Variants in TBC1D5 observed in about 807,000 individuals in gnomAD.
TBC1D5 encodes TBC1 domain family member 5.
In TBC1D5, 75 loss-of-function variants were observed where a neutral mutation model predicts 100.3. That is an observed-to-expected ratio of 0.75 (90% confidence interval 0.62 to 0.91). TBC1D5 has a LOEUF of 0.91. Among genes scored for constraint, TBC1D5 ranks in the 40% least tolerant of loss-of-function variants. The pLI, the probability that TBC1D5 is intolerant of heterozygous loss-of-function variation, is 0.00. For missense variants in TBC1D5, 910 were observed against 942.4 expected (o/e 0.97, Z 0.45); for synonymous variants, 323 against 325.6 (o/e 0.99, Z 0.09).
At chr3:17,407,022 T>C (rs1053953044) in intron 4 of TBC1D5, among the ~76,000 whole-genome samples, 2 of 152,120 alleles carry the variant, frequency 1.3e-5, no homozygotes, top group African/African-American at 4.8e-5. Context: ...TGCTTACTAC[T>C]GAAATTGCAA....
intron 1 of TBC1D5, among the ~76,000 whole-genome samples, chr3:17,736,163 A>C (rs1414219621): frequency 6.6e-6 from 1 of 152,232 alleles, no homozygotes; most frequent in African/African-American, 2.4e-5. Flanking sequence ...AGCTAGGCTT[A>C]AGAATTCTTA....
intron 13 of TBC1D5, among the ~76,000 whole-genome samples, chr3:17,367,003 C>G (rs1005645765): frequency 2.0e-5 from 3 of 152,014 alleles, no homozygotes; most frequent in Non-Finnish European, 4.4e-5. Context: ...TTGTAAAGAG[C>G]TCATAATTTA....
At chr3:17,417,260 A>C (rs970805974) in intron 4 of TBC1D5, among the ~76,000 whole-genome samples, 1 of 151,946 alleles carries the variant, frequency 6.6e-6, no homozygotes, top group South Asian at 2.1e-4. Context: ...TTACATATAT[A>C]TACATGTGCC....
intron 15 of TBC1D5, among the ~76,000 whole-genome samples, chr3:17,263,577 A>G (rs967209288): frequency 6.6e-6 from 1 of 152,112 alleles, no homozygotes; most frequent in East Asian, 1.9e-4. Flanking sequence ...ATGTTGTTGA[A>G]ACTCTATTTA....
chr3:17,438,648 T>C (rs562641731), intron 3 of TBC1D5, among the ~76,000 whole-genome samples: 7 of 152,232 alleles, frequency 4.6e-5, no homozygotes, highest in Non-Finnish European at 1.0e-4. Context: ...CTTTACAAAT[T>C]ACCAGTCTTG....
chr3:17,274,430 T>C (rs2149750274), intron 15 of TBC1D5, among the ~76,000 whole-genome samples: 1 of 152,310 alleles, frequency 6.6e-6, no homozygotes, highest in South Asian at 2.1e-4. Flanking sequence ...TTAAGCAAAT[T>C]AAGTAGATGA....
chr3:17,612,565 G>A (rs1307687279), intron 2 of TBC1D5, among the ~76,000 whole-genome samples: 1 of 152,010 alleles, frequency 6.6e-6, no homozygotes, highest in Non-Finnish European at 1.5e-5. Flanking sequence ...GGGAGGCAGA[G>A]GTAGCAGTGA....
intron 2 of TBC1D5, among the ~76,000 whole-genome samples, chr3:17,587,622 G>A (rs932467868): frequency 6.6e-5 from 10 of 151,666 alleles, no homozygotes; most frequent in African/African-American, 1.9e-4. Flanking sequence ...TTTGTATGTC[G>A]GTTTGGTGAA....
chr3:17,730,093 A>G (rs935959262), intron 1 of TBC1D5, among the ~76,000 whole-genome samples: 4 of 152,206 alleles, frequency 2.6e-5, no homozygotes, highest in African/African-American at 9.6e-5. Flanking sequence ...CCTAGGGGAC[A>G]AGAGTGAAAC....
intron 2 of TBC1D5, among the ~76,000 whole-genome samples, chr3:17,530,388 G>A (rs961316358): frequency 6.6e-5 from 10 of 152,092 alleles, no homozygotes; most frequent in Non-Finnish European, 1.2e-4. Flanking sequence ...CAAAAAGAGG[G>A]TAATCAGAGC....
At chr3:17,578,685 A>G (rs1197198329) in intron 2 of TBC1D5, among the ~76,000 whole-genome samples, 1 of 152,028 alleles carries the variant, frequency 6.6e-6, no homozygotes, top group African/African-American at 2.4e-5. Flanking sequence ...CCTCTGTTCT[A>G]TTTTAAGAAT....
At chr3:17,158,125 T>C (rs940370116) in exon 22 of TBC1D5, 1 of 152,252 alleles carries the variant, frequency 6.6e-6, no homozygotes, top group Non-Finnish European at 1.5e-5. Context: ...GCAAAGTAAT[T>C]AGACTTGCTA....
intron 21 of TBC1D5, among the ~76,000 whole-genome samples, chr3:17,166,516 T>G (rs1176980669): frequency 6.6e-6 from 1 of 152,212 alleles, no homozygotes; most frequent in East Asian, 1.9e-4. Flanking sequence ...CAGGCAGCAC[T>G]GCTGCACACG....
At position 17,450,712 on chromosome 3, in the gene TBC1D5, C is replaced by T. The variant is rs183705340; in HGVS notation, c.98-22193G>A. 2.6e-5 allele frequency among the ~76,000 whole-genome samples: 4 copies of T among 152,138 alleles called. No homozygotes were observed. The East Asian group carries it at 5.8e-4, about 22-fold the overall frequency. Reference sequence around the variant, plus strand: ...AAAGAATGAAAAGGAATGAACAAAGCCTCCAAGAAATATGCGCCTATGTGA... The same window carrying T: ...AAAGAATGAAAAGGAATGAACAAAGTCTCCAAGAAATATGCGCCTATGTGA... On this transcript the variant is annotated intron_variant, in intron 3 of 21. Coordinates refer to ENST00000253692, the Ensembl canonical transcript of TBC1D5.
rs79340456 is a variant in TBC1D5, at chr3:17,188,523, G to T, written c.1753-3315C>A. On this transcript the variant is annotated intron_variant, in intron 18 of 21. Coordinates refer to ENST00000253692, the Ensembl canonical transcript of TBC1D5. ...AGCAGGCTGAGGTACCAAGAACCTCGTCCATAGTCTGAAATCCAGTGTATT... is the reference window on the plus strand; with the variant it reads ...AGCAGGCTGAGGTACCAAGAACCTCTTCCATAGTCTGAAATCCAGTGTATT... Among the ~76,000 whole-genome samples, 100 of 152,312 alleles carry T rather than the reference G, an allele frequency of 6.6e-4. 2 individuals are homozygous for T. The East Asian group carries it at 0.018, about 27-fold the overall frequency.
At chr3:17,185,483 A>G (rs2068929351) in intron 18 of TBC1D5, among the ~76,000 whole-genome samples, 1 of 152,236 alleles carries the variant, frequency 6.6e-6, no homozygotes, top group African/African-American at 2.4e-5. Flanking sequence ...ACAATCTTGC[A>G]TTGCAAATAT....
intron 2 of TBC1D5, among the ~76,000 whole-genome samples, chr3:17,590,698 C>T (rs1401129743): frequency 6.6e-6 from 1 of 152,122 alleles, no homozygotes; most frequent in East Asian, 1.9e-4. Flanking sequence ...ACAGTTGGAT[C>T]CCGAGGTGGC....
intron 2 of TBC1D5, among the ~76,000 whole-genome samples, chr3:17,585,015 T>G (rs1309685799): frequency 6.6e-6 from 1 of 152,126 alleles, no homozygotes; most frequent in Admixed American, 6.6e-5. Context: ...GGTCTCCAAC[T>G]CTTGAGCTCA....
At chr3:17,268,983 G>C (rs189982374) in intron 15 of TBC1D5, among the ~76,000 whole-genome samples, 1 of 152,244 alleles carries the variant, frequency 6.6e-6, no homozygotes, top group African/African-American at 2.4e-5. Flanking sequence ...AGTATAGGCA[G>C]CTACCATCAG....
Sources: allele counts gnomAD v4.1 joint callset (sites outside exome capture counted in the v4.1 genomes callset), GRCh38; gene constraint gnomAD v4.1.1; transcripts MANE v1.5; gene names NCBI Gene and HGNC (gene_info 2026-07-23, HGNC 2026-07-21).